The following ASXL3 variants were observed in gnomAD, a reference collection of about 807,000 sequenced individuals.
The protein encoded by ASXL3 is putative Polycomb group protein ASXL3.
In ASXL3, 34 loss-of-function variants were observed where a neutral mutation model predicts 170.6. The observed-to-expected ratio is 0.20, with a 90% confidence interval of 0.15 to 0.27. The LOEUF (loss-of-function observed/expected upper bound fraction) is 0.27, where lower values mean the gene tolerates loss of function less well. ASXL3 is among the 10% of genes least tolerant of loss of function. The probability of loss-of-function intolerance (pLI) is 1.00; values close to 1 mark genes in which losing one functional copy is unlikely to be tolerated. For missense variants in ASXL3, 2,592 were observed against 2,695.3 expected, an observed-to-expected ratio of 0.96 and a Z score of 0.85; for synonymous variants, 1,002 against 989.1, an observed-to-expected ratio of 1.01 and a Z score of -0.24.
intron 8 of ASXL3, among the ~76,000 whole-genome samples, chr18:33,717,178 C>T (rs1307531175): frequency 6.6e-6 from 1 of 152,056 alleles, no homozygotes; most frequent in Admixed American, 6.6e-5. Context: ...GCTGATTTCT[C>T]AGTAGAATAA....
chr18:33,644,034 CA>C (rs1325831814), intron 2 of ASXL3, among the ~76,000 whole-genome samples: 1 of 151,826 alleles, frequency 6.6e-6, no homozygotes, highest in Non-Finnish European at 1.5e-5. Context: ...AATCAAAACA[CA>C]AAATTTGTTC....
intron 8 of ASXL3, among the ~76,000 whole-genome samples, chr18:33,719,850 G>A (rs2145368746): frequency 6.6e-6 from 1 of 152,116 alleles, no homozygotes. Context: ...GGATTTTCTG[G>A]CCTCCGGAGG....
intron 5 of ASXL3, among the ~76,000 whole-genome samples, chr18:33,663,877 T>C (rs1409349648): frequency 2.0e-5 from 3 of 152,226 alleles, no homozygotes; most frequent in Non-Finnish European, 2.9e-5. Flanking sequence ...AGCTTTCTTT[T>C]CTTTTGGATA....
chr18:33,709,463 C>T (rs577253561), intron 8 of ASXL3, among the ~76,000 whole-genome samples: 49 of 152,256 alleles, frequency 3.2e-4, no homozygotes, highest in African/African-American at 1.0e-3. Context: ...AATGAACAAA[C>T]GACATCTACA....
intron 7 of ASXL3, among the ~76,000 whole-genome samples, chr18:33,675,727 A>G (rs1298502873): frequency 1.3e-5 from 2 of 152,078 alleles, no homozygotes; most frequent in African/African-American, 2.4e-5. Flanking sequence ...CTTAGCATCT[A>G]AGGAGTGTAG....
intron 1 of ASXL3, among the ~76,000 whole-genome samples, chr18:33,600,981 TG>T (rs2065177923): frequency 6.6e-6 from 1 of 152,160 alleles, no homozygotes; most frequent in African/African-American, 2.4e-5. Flanking sequence ...ACAAGATAAT[TG>T]GTCCTTTAGT....
At chr18:33,742,517 A>G (rs2067681198) in intron 11 of ASXL3, among the ~76,000 whole-genome samples, 1 of 152,122 alleles carries the variant, frequency 6.6e-6, no homozygotes, top group South Asian at 2.1e-4. Context: ...CCACTTTTTT[A>G]TGCCACTAAA....
chr18:33,585,105 G>A (rs1387879698), intron 1 of ASXL3, among the ~76,000 whole-genome samples: 1 of 151,808 alleles, frequency 6.6e-6, no homozygotes, highest in African/African-American at 2.4e-5. Context: ...CTCTCACTCT[G>A]TCTTCCTCCT....
In ASXL3 at chr18:33,664,470, A is replaced by C. The variant is rs142008612; in HGVS notation, c.477+2733A>C. 5.5e-3 allele frequency among the ~76,000 whole-genome samples: 842 copies of C among 152,242 alleles called. 7 individuals carry two copies. Among genetic ancestry groups the C allele is most frequent in the Middle Eastern group, 0.024 (7 of 294 alleles). On this transcript the variant is annotated intron_variant, in intron 5 of 11. Transcript: ENST00000269197. ...GTACCAGCCCATACTGATAACACACACTCAAATATATGTCATTGTTATTTT... is the reference window on the plus strand; with the variant it reads ...GTACCAGCCCATACTGATAACACACCCTCAAATATATGTCATTGTTATTTT...
chr18:33,713,188 G>C (rs889692845), intron 8 of ASXL3, among the ~76,000 whole-genome samples: 4 of 148,198 alleles, frequency 2.7e-5, no homozygotes, highest in African/African-American at 7.5e-5. Context: ...AAGAATGAGG[G>C]GGAGAATACA....
rs1160419382 is a variant in ASXL3, at chr18:33,750,895, AC to A, written c.*4301del. On this transcript the variant is annotated 3_prime_UTR_variant, in exon 12 of 12. Coordinates refer to ENST00000269197, the MANE Select transcript of ASXL3 (RefSeq NM_030632.3). ...AAGACTGCGACAATTTAATACTGTT[AC>A]GCTTGCTTTGATACCTGACTAAATG... 6.6e-6 allele frequency: 1 copy of A among 152,214 alleles called. No individual in the cohort carries two copies. Among genetic ancestry groups the A allele is most frequent in the Non-Finnish European group, 1.5e-5 (1 of 68,034 alleles). 9.4% of individuals were successfully genotyped at this position (152,214 alleles called of 1,614,324 possible).
At chr18:33,634,064 T>C (rs1342709398) in intron 2 of ASXL3, among the ~76,000 whole-genome samples, 1 of 152,162 alleles carries the variant, frequency 6.6e-6, no homozygotes, top group Non-Finnish European at 1.5e-5. Flanking sequence ...TTATTCATTC[T>C]GAGGCAGTGG....
At chr18:33,709,769 C>T (rs1238587565) in intron 8 of ASXL3, among the ~76,000 whole-genome samples, 1 of 152,118 alleles carries the variant, frequency 6.6e-6, no homozygotes, top group Non-Finnish European at 1.5e-5. Context: ...GAAAATATGT[C>T]ACATGTGCAA....
At position 33,745,972 on chromosome 18, in the gene ASXL3, C is replaced by T; in HGVS notation, c.6124C>T (p.Pro2042Ser). Residue 2042 changes from proline to serine, a missense_variant, in exon 12 of 12, where the codon CCT (proline) becomes TCT (serine). Pro to Ser is a moderately conservative substitution (Grantham distance 74, BLOSUM62 -1). Coordinates refer to ENST00000269197, the MANE Select transcript of ASXL3 (RefSeq NM_030632.3). ...GCCTCCCCCCCCACCACCTCCGCTACCTCCACCTCTCCCTAATGCAGAAGT... is the reference window on the plus strand; with the variant it reads ...GCCTCCCCCCCCACCACCTCCGCTATCTCCACCTCTCCCTAATGCAGAAGT... Reference protein sequence around the residue: ...PPPPPPPPPLPPPLPNAEVPS... With the variant: ...PPPPPPPPPLSPPLPNAEVPS... The T allele has an allele frequency of 6.4e-7, 1 of 1,559,590 alleles. No individual in the cohort carries two copies. Among genetic ancestry groups the T allele is most frequent in the Non-Finnish European group, 8.7e-7 (1 of 1,143,044 alleles).
intron 9 of ASXL3, among the ~76,000 whole-genome samples, chr18:33,732,611 T>G (rs2067470232): frequency 6.6e-6 from 1 of 152,124 alleles, no homozygotes; most frequent in Non-Finnish European, 1.5e-5. Context: ...ATCCCAGGAC[T>G]CTGGGAGGCC....
chr18:33,671,466 T>G lies in ASXL3; in HGVS notation c.596-281T>G, dbSNP rs1196038578. ...ATAGTATTGTTCAAGCTTATTCGTG[T>G]ATTTTACAAAAGACCTGACTCTATT... is the stretch of plus-strand genomic sequence containing the variant. On this transcript the variant is annotated intron_variant, in intron 6 of 11. Transcript: ENST00000269197. 2.6e-5 allele frequency among the ~76,000 whole-genome samples: 4 copies of G among 152,238 alleles called. No individual in the cohort carries two copies. In the East Asian group the frequency reaches 7.7e-4, roughly 29 times the overall value.
In ASXL3 at chr18:33,744,366, G is replaced by C; in HGVS notation, c.4518G>C (p.Arg1506Ser). 2 of 1,613,954 alleles carry C rather than the reference G, an allele frequency of 1.2e-6. No homozygotes were observed. Among genetic ancestry groups the C allele is most frequent in the Non-Finnish European group, 1.7e-6 (2 of 1,179,856 alleles). ...TGGACCTGCAGGGCAGACCAGTGAG[G>C]ACAGAGGCATCCGTACAGCCCGTGG... ...ASLDLQGRPV[R>S]TEASVQPVAC... The change falls in exon 12 of 12, where the codon AGG (arginine) becomes AGC (serine). Residue 1506 changes from arginine (R) to serine (S), a missense_variant. Physicochemically the swap from Arg to Ser is moderately radical, Grantham distance 110. Coordinates refer to ENST00000269197, the MANE Select transcript of ASXL3 (RefSeq NM_030632.3).
intron 5 of ASXL3, among the ~76,000 whole-genome samples, chr18:33,670,403 G>A (rs2066321373): frequency 6.6e-6 from 1 of 152,188 alleles, no homozygotes; most frequent in Admixed American, 6.5e-5. Flanking sequence ...ACAGTGCTAA[G>A]GTAGAAGAAA....
At chr18:33,686,584 A>G (rs901095241) in intron 8 of ASXL3, among the ~76,000 whole-genome samples, 4 of 152,202 alleles carry the variant, frequency 2.6e-5, no homozygotes, top group Non-Finnish European at 4.4e-5. Flanking sequence ...AAGGAAAGGC[A>G]TGCCATTTAC....
Sources: allele counts gnomAD v4.1 joint callset (sites outside exome capture counted in the v4.1 genomes callset), GRCh38; gene constraint gnomAD v4.1.1; transcripts MANE v1.5; gene names NCBI Gene and HGNC (gene_info 2026-07-23, HGNC 2026-07-21).